The following CHD3 variants were observed in gnomAD, a reference collection of about 807,000 sequenced individuals.
The protein encoded by CHD3 is ATP-dependent chromatin remodeler CHD3.
A neutral mutation model predicts 248.9 loss-of-function variants in CHD3; 52 were observed. That is an observed-to-expected ratio of 0.21 (90% CI 0.17 to 0.26). CHD3 has a LOEUF of 0.26. CHD3 is among the 10% of genes least tolerant of loss of function. The probability of loss-of-function intolerance (pLI) is 1.00; values close to 1 mark genes in which losing one functional copy is unlikely to be tolerated. For missense variants in CHD3, 1,482 were observed against 2,605.8 expected (o/e 0.57, Z 9.39); for synonymous variants, 985 against 985.2 (o/e 1.00, Z 0.00).
At position 7,910,059 on chromosome 17, in the gene CHD3, C is replaced by A; in HGVS notation, c.5591-369C>A. On this transcript the variant is annotated intron_variant, in intron 37 of 39. Transcript: ENST00000330494. This position sits in a 1 kb window ranked among gnomAD's most constrained non-coding sequence, Gnocchi z 4.7. ...CTCCTGACTATTTCCTCCCCATCAT[C>A]CCCAACCCCAAACCTTGCTCTTCCA... 3.0e-6 allele frequency: 1 copy of A among 336,004 alleles called. No individual in the cohort carries two copies. The highest frequency in any genetic ancestry group is 5.6e-6 in the Non-Finnish European group (1 of 177,844). The allele number at this position is 336,004 out of a possible 1,614,324, so 20.8% of individuals were successfully genotyped here.
In CHD3 at chr17:7,907,467, C is replaced by G; in HGVS notation, c.4903C>G (p.Arg1635Gly). The G allele has an allele frequency of 6.2e-7, 1 of 1,600,944 alleles. No homozygotes were observed. The highest frequency in any genetic ancestry group is 8.5e-7 in the Non-Finnish European group (1 of 1,174,470). Residue 1635 changes from arginine to glycine, a missense_variant, in exon 32 of 40, where the codon CGT becomes GGT. By Grantham distance (125) the Arg-to-Gly change is moderately radical (BLOSUM62 -2). Around this residue, in one of 20 missense-constraint regions of CHD3, gnomAD observed 254 missense variants for 266.7 expected, o/e 0.95. Coordinates refer to ENST00000330494, the MANE Select transcript of CHD3 (RefSeq NM_001005273.3). The surrounding 1 kb of genome is among the most constrained non-coding windows in gnomAD (Gnocchi z 4.3). ...PGEMEPEPGY[R>G]GDREKSATES... ...AGAGATGGAGCCTGAACCTGGGTACCGTGGGGACAGAGAGAAGTCAGGTGG... is the reference window on the plus strand; with the variant it reads ...AGAGATGGAGCCTGAACCTGGGTACGGTGGGGACAGAGAGAAGTCAGGTGG...
chr17:7,906,728 A>C lies in CHD3; in HGVS notation c.4503+31A>C. ...AGTCTTCCTGTCACCCAAAGAATCAAGCTGGCTGCCTAGTCTCTGTCCTTC... is the reference window on the plus strand; with the variant it reads ...AGTCTTCCTGTCACCCAAAGAATCACGCTGGCTGCCTAGTCTCTGTCCTTC... On this transcript the variant is annotated intron_variant, in intron 29 of 39. Coordinates refer to ENST00000330494, the MANE Select transcript of CHD3 (RefSeq NM_001005273.3). The surrounding 1 kb of genome is among the most constrained non-coding windows in gnomAD (Gnocchi z 5.0). 1 of 1,588,026 alleles carries C rather than the reference A, an allele frequency of 6.3e-7. No individual in the cohort carries two copies.
Position 7,897,062 on chromosome 17 carries a change from C to G in CHD3, c.1708-21C>G. The stretch of plus-strand genomic sequence containing the variant: ...GTGAGTGTCAGGACTATCTCTTTCC[C>G]TTTTTTCTGTGCCCTGCTAGCTGGA... On this transcript the variant is annotated intron_variant, in intron 10 of 39. Coordinates refer to ENST00000330494, the MANE Select transcript of CHD3 (RefSeq NM_001005273.3). This position sits in a 1 kb window ranked among gnomAD's most constrained non-coding sequence, Gnocchi z 4.8. 1.1e-5 allele frequency: 17 copies of G among 1,609,740 alleles called. No individual in the cohort carries two copies. Among genetic ancestry groups the G allele is most frequent in the Non-Finnish European group, 1.4e-5 (16 of 1,176,064 alleles).
intron 4 of CHD3, among the ~76,000 whole-genome samples, chr17:7,892,228 G>A (rs148921853): frequency 1.3e-3 from 202 of 152,234 alleles, no homozygotes; most frequent in African/African-American, 4.7e-3. Flanking sequence ...CACAAGAGTT[G>A]AGCACCCCAC....
In CHD3 at chr17:7,905,256, T is replaced by C; in HGVS notation, c.4138+91T>C. 1.7e-6 allele frequency: 2 copies of C among 1,210,094 alleles called. No homozygotes were observed. Among genetic ancestry groups the C allele is most frequent in the Non-Finnish European group, 1.2e-6 (1 of 817,744 alleles). The allele number at this position is 1,210,094 out of a possible 1,614,324, so 75.0% of individuals were successfully genotyped here. A position where few individuals can be genotyped will look rare whatever the true frequency, so the allele number is the denominator to read the frequency against. On this transcript the variant is annotated intron_variant, in intron 26 of 39. Transcript: ENST00000330494. This position sits in a 1 kb window ranked among gnomAD's most constrained non-coding sequence, Gnocchi z 5.8. ...CACTGTTTTTATACAAGTAAAAAAG[T>C]CTTCGTGTGTGTGTGGAAAAACTCG... is the stretch of plus-strand genomic sequence containing the variant.
At position 7,895,006 on chromosome 17, in the gene CHD3, T is replaced by G. The variant is rs201016344; in HGVS notation, c.1359T>G (p.Asp453Glu). Residue 453 changes from aspartate (D) to glutamate (E), a missense_variant, in exon 9 of 40, where the codon GAT (aspartate) becomes GAG (glutamate). By Grantham distance (45) the Asp-to-Glu change is conservative. This residue lies in a region of CHD3 where 138 missense variants were observed against 241.1 expected (regional missense o/e 0.57). Transcript: ENST00000330494. The surrounding 1 kb of genome is among the most constrained non-coding windows in gnomAD (Gnocchi z 4.9). The stretch of plus-strand genomic sequence containing the variant: ...AAGAAGGGGAGAAGGAGGAGGAGGA[T>G]GATCACATGGAGTACTGCCGCGTAT... Reference protein sequence around the residue: ...GEEEGEKEEEDDHMEYCRVCK... With the variant: ...GEEEGEKEEEEDHMEYCRVCK... 6.2e-7 allele frequency: 1 copy of G among 1,613,998 alleles called. No individual in the cohort carries two copies. The highest frequency in any genetic ancestry group is 8.5e-7 in the Non-Finnish European group (1 of 1,179,942).
Position 7,897,380 on chromosome 17 carries a change from T to A in CHD3, c.1919+86T>A. 1.7e-6 allele frequency: 2 copies of A among 1,183,104 alleles called. No individual in the cohort carries two copies. The highest frequency in any genetic ancestry group is 1.2e-6 in the Non-Finnish European group (1 of 813,858). The allele number at this position is 1,183,104 out of a possible 1,614,324, so 73.3% of individuals were successfully genotyped here. A position where few individuals can be genotyped will look rare whatever the true frequency, so the allele number is the denominator to read the frequency against. ...TGGCCCCATGTTAGTATTTGCTGAT[T>A]AACCAGGTAATTGATCTAACCTTGA... On this transcript the variant is annotated intron_variant, in intron 11 of 39. Coordinates refer to ENST00000330494, the MANE Select transcript of CHD3 (RefSeq NM_001005273.3). This position sits in a 1 kb window ranked among gnomAD's most constrained non-coding sequence, Gnocchi z 4.8.
intron 21 of CHD3, 66 bp downstream of exon 21, chr17:7,902,793 G>A: frequency 6.3e-7 from 1 of 1,590,152 alleles, no homozygotes; most frequent in Admixed American, 1.7e-5. Flanking sequence ...AGGTCCCTGG[G>A]ATGGGAGGGG....
chr17:7,911,354 A>T lies in CHD3; in HGVS notation c.5882-110A>T, dbSNP rs1022635285. 3.9e-6 allele frequency: 6 copies of T among 1,549,810 alleles called. No homozygotes were observed. The African/African-American group carries it at 8.2e-5, about 21-fold the overall frequency. On this transcript the variant is annotated intron_variant, in intron 39 of 39. Coordinates refer to ENST00000330494, the MANE Select transcript of CHD3 (RefSeq NM_001005273.3). This position sits in a 1 kb window ranked among gnomAD's most constrained non-coding sequence, Gnocchi z 5.4. ...CCGGGTCTTCCCTCCCTCACGTGGG[A>T]CAACGGGAAGTGGCAGGAGGTGACC...
At position 7,907,540 on chromosome 17, in the gene CHD3, C is replaced by A; in HGVS notation, c.4924+52C>A. On this transcript the variant is annotated intron_variant, in intron 32 of 39. Coordinates refer to ENST00000330494, the MANE Select transcript of CHD3 (RefSeq NM_001005273.3). The surrounding 1 kb of genome is among the most constrained non-coding windows in gnomAD (Gnocchi z 4.3). ...GGGGATTAGAATTTGGGATTTCCCT[C>A]TTCTGGGGTCAGGGGATGAGGGTAA... 1.3e-6 allele frequency: 2 copies of A among 1,533,024 alleles called. No individual in the cohort carries two copies. The highest frequency in any genetic ancestry group is 1.8e-6 in the Non-Finnish European group (2 of 1,140,594). The allele number at this position is 1,533,024 out of a possible 1,614,324, so 95.0% of individuals were successfully genotyped here.
Position 7,909,009 on chromosome 17 carries a change from G to A in CHD3, c.5395-134G>A, listed in dbSNP as rs974729075. The A allele has an allele frequency of 1.4e-5, 19 of 1,406,664 alleles. No individual in the cohort carries two copies. Among genetic ancestry groups the A allele is most frequent in the African/African-American group, 8.6e-5 (6 of 69,974 alleles). 87.1% of individuals were successfully genotyped at this position (1,406,664 alleles called of 1,614,324 possible). A position where few individuals can be genotyped will look rare whatever the true frequency, so the allele number is the denominator to read the frequency against. On this transcript the variant is annotated intron_variant, in intron 36 of 39. Transcript: ENST00000330494. The surrounding 1 kb of genome is among the most constrained non-coding windows in gnomAD (Gnocchi z 8.1). ...CTGGGTCAGGGTTGCTGCTAGGTTC[G>A]CAGTCGGTTTGGAGCTGGGAGTGCC...
Position 7,903,721 on chromosome 17 carries a change from G to A in CHD3, c.3728-104G>A. 2 of 1,300,162 alleles carry A rather than the reference G, an allele frequency of 1.5e-6. No individual in the cohort carries two copies. The highest frequency in any genetic ancestry group is 2.5e-5 in the East Asian group (1 of 40,782). 80.5% of individuals were successfully genotyped at this position (1,300,162 alleles called of 1,614,324 possible). A position where few individuals can be genotyped will look rare whatever the true frequency, so the allele number is the denominator to read the frequency against. ...TTCAACATTGGCTCCCGGGGAAAAA[G>A]CCTTCTCTAGGGCTCCTGTGAAAAG... On this transcript the variant is annotated intron_variant, in intron 23 of 39. Transcript: ENST00000330494. This position sits in a 1 kb window ranked among gnomAD's most constrained non-coding sequence, Gnocchi z 6.8.
chr17:7,884,858 T>A, upstream of CHD3: 1 of 1,106,382 alleles, frequency 9.0e-7, no homozygotes. Flanking sequence ...GATGGTGGTG[T>A]CGGAGGAGGA....
rs1970759792 is a variant in CHD3 at position 7,905,040 on chromosome 17, C to T, written c.4073-60C>T. 1.3e-6 allele frequency: 2 copies of T among 1,484,568 alleles called. No homozygotes were observed. Among genetic ancestry groups the T allele is most frequent in the Non-Finnish European group, 1.9e-6 (2 of 1,062,888 alleles). 92.0% of individuals were successfully genotyped at this position (1,484,568 alleles called of 1,614,324 possible). On this transcript the variant is annotated intron_variant, in intron 25 of 39. Coordinates refer to ENST00000330494, the MANE Select transcript of CHD3 (RefSeq NM_001005273.3). The surrounding 1 kb of genome is among the most constrained non-coding windows in gnomAD (Gnocchi z 5.8). ...AGGGAGGAATCCAGCCAGAAAGGGC[C>T]TCAGCATGGGCATATCCCGAGAGCC...
chr17:7,893,182 A>G, intron 4 of CHD3, 104 bp from the exon 5 acceptor site: 1 of 1,437,418 alleles, frequency 7.0e-7, no homozygotes, highest in Non-Finnish European at 9.2e-7. Context: ...TATTCTCACC[A>G]CCCAGGAATC....
chr17:7,885,005 C>T (rs935201217), upstream of CHD3: 16 of 1,240,710 alleles, frequency 1.3e-5, no homozygotes, highest in African/African-American at 1.6e-4. Flanking sequence ...CCGCCACAGC[C>T]CCCCCGGCTG....
chr17:7,902,590 A>G lies in CHD3; in HGVS notation c.3253-20A>G, dbSNP rs767527600. ...CCACCACCTCATTATTGCAGACTCCATCCTTTTCTCTTGCTCTAGATGACC... is the reference window on the plus strand; with the variant it reads ...CCACCACCTCATTATTGCAGACTCCGTCCTTTTCTCTTGCTCTAGATGACC... On this transcript the variant is annotated intron_variant, in intron 20 of 39. Coordinates refer to ENST00000330494, the MANE Select transcript of CHD3 (RefSeq NM_001005273.3). 3.3e-6 allele frequency: 5 copies of G among 1,535,134 alleles called. No homozygotes were observed. Among genetic ancestry groups the G allele is most frequent in the Middle Eastern group, 1.7e-4 (1 of 5,898 alleles).
Position 7,893,919 on chromosome 17 carries a change from G to A in CHD3, c.908G>A (p.Arg303Lys). ...KIKLGLLGGK[R>K]KKGGSYVFQS... ...AAACTAGGGCTTCTGGGTGGCAAGAGGAAGAAAGGAGGCTCGGTGAGTGAC... is the reference window on the plus strand; with the variant it reads ...AAACTAGGGCTTCTGGGTGGCAAGAAGAAGAAAGGAGGCTCGGTGAGTGAC... The change falls in exon 6 of 40, where the codon AGG (arginine) becomes AAG (lysine). Residue 303 changes from arginine (R) to lysine (K), a missense_variant. This residue lies in a region of CHD3 where 149 missense variants were observed against 182.6 expected (regional missense o/e 0.82). Transcript: ENST00000330494. 1 of 1,562,166 alleles carries A rather than the reference G, an allele frequency of 6.4e-7. No individual in the cohort carries two copies. Among genetic ancestry groups the A allele is most frequent in the Non-Finnish European group, 8.7e-7 (1 of 1,150,686 alleles).
rs1045639334 is a variant in CHD3 at position 7,889,816 on chromosome 17, G to C, written c.213+40G>C. ...TTCCTAACTCTGTGGCAAGGCTCAA[G>C]AGACCCATTCTCAGAGACCTACATT... On this transcript the variant is annotated intron_variant, in intron 2 of 39. Transcript: ENST00000330494. This position sits in a 1 kb window ranked among gnomAD's most constrained non-coding sequence, Gnocchi z 4.5. The C allele has an allele frequency of 1.9e-6, 3 of 1,550,732 alleles. No homozygotes were observed. The highest frequency in any genetic ancestry group is 2.6e-6 in the Non-Finnish European group (3 of 1,134,592).
Sources: gnomAD v4.1 joint callset for allele counts (sites outside exome capture counted in the v4.1 genomes callset) on GRCh38, gnomAD v4.1.1 for gene constraint, gnomAD v4.1.1 regional missense constraint, Gnocchi (gnomAD v3.1) non-coding constraint, MANE v1.5 for transcripts, NCBI Gene and HGNC (gene_info 2026-07-23, HGNC 2026-07-21) for gene names.